The following HHAT variants were observed in gnomAD, a reference collection of about 807,000 sequenced individuals.
HHAT encodes the protein hedgehog acyltransferase, also known as protein-cysteine N-palmitoyltransferase HHAT.
HHAT carries 47 observed loss-of-function variants against 70.8 expected under a neutral mutation model. The ratio of observed to expected loss-of-function variants is 0.66; its 90% confidence interval spans 0.53 to 0.85. The LOEUF (loss-of-function observed/expected upper bound fraction) is 0.85. Among genes scored for constraint, HHAT ranks in the 40% least tolerant of loss-of-function variants. The pLI is 0.00. For synonymous variants in HHAT, 228 were observed against 247.6 expected, an observed-to-expected ratio of 0.92 and a Z score of 0.74; for missense variants, 609 against 604.8, an observed-to-expected ratio of 1.01 and a Z score of -0.07.
chr1:210,518,078 A>G (rs960245248), intron 9 of HHAT, among the ~76,000 whole-genome samples: 1 of 152,196 alleles, frequency 6.6e-6, no homozygotes, highest in East Asian at 1.9e-4. Flanking sequence ...TCATACATTT[A>G]TTATTTGTGG....
intron 1 of HHAT, among the ~76,000 whole-genome samples, chr1:210,347,038 T>C (rs528962638): frequency 2.0e-5 from 3 of 152,144 alleles, no homozygotes; most frequent in Non-Finnish European, 4.4e-5. Flanking sequence ...GGTGAGAACA[T>C]TTAAGATCTA....
chr1:210,330,567 T>C (rs556166847), intron 1 of HHAT, among the ~76,000 whole-genome samples: 64 of 152,140 alleles, frequency 4.2e-4, no homozygotes, highest in Admixed American at 9.8e-4. Flanking sequence ...AAGTCAATTC[T>C]TTGGAGGGAG....
intron 4 of HHAT, among the ~76,000 whole-genome samples, chr1:210,396,279 C>T (rs567408747): frequency 1.8e-4 from 27 of 152,224 alleles, no homozygotes; most frequent in Admixed American, 3.3e-4. Context: ...AGAGTAGTTC[C>T]GGTGGGGCTG....
intron 11 of HHAT, among the ~76,000 whole-genome samples, chr1:210,625,123 T>C (rs945522170): frequency 2.0e-5 from 3 of 152,224 alleles, no homozygotes; most frequent in African/African-American, 7.2e-5. Flanking sequence ...AAAAGACCCC[T>C]CTTTGATCTT....
intron 10 of HHAT, among the ~76,000 whole-genome samples, chr1:210,596,950 G>A (rs924630081): frequency 1.3e-5 from 2 of 152,122 alleles, no homozygotes; most frequent in Non-Finnish European, 2.9e-5. Context: ...GCTTCTTTGT[G>A]CCTATCCTTC....
intron 7 of HHAT, among the ~76,000 whole-genome samples, chr1:210,429,964 A>G (rs1279909179): frequency 6.6e-6 from 1 of 151,960 alleles, no homozygotes; most frequent in African/African-American, 2.4e-5. Context: ...TCTGTAAAGA[A>G]GACTTTTCCA....
intron 2 of HHAT, among the ~76,000 whole-genome samples, chr1:210,356,415 A>G (rs1465127611): frequency 4.6e-5 from 7 of 151,924 alleles, no homozygotes; most frequent in African/African-American, 1.7e-4. Flanking sequence ...ATTCAGTGAT[A>G]TATCTGTAGT....
chr1:210,605,471 A>G (rs749108670), intron 10 of HHAT, among the ~76,000 whole-genome samples: 1 of 152,202 alleles, frequency 6.6e-6, no homozygotes, highest in Non-Finnish European at 1.5e-5. Context: ...CTTGGACAAC[A>G]TGGGTTTCGA....
chr1:210,547,644 C>T (rs1488963573), intron 9 of HHAT, among the ~76,000 whole-genome samples: 1 of 152,176 alleles, frequency 6.6e-6, no homozygotes, highest in African/African-American at 2.4e-5. Context: ...CCATTTTGTG[C>T]ATAACACTGA....
chr1:210,595,932 G>A (rs1438926022), intron 10 of HHAT, among the ~76,000 whole-genome samples: 3 of 152,144 alleles, frequency 2.0e-5, no homozygotes, highest in South Asian at 2.1e-4. Context: ...TGATCACTCT[G>A]ATGGTAGTTT....
At chr1:210,495,513 T>C in intron 8 of HHAT, among the ~76,000 whole-genome samples, 1 of 152,162 alleles carries the variant, frequency 6.6e-6, no homozygotes. Context: ...ATTGCAAGAA[T>C]CAATTGAAGT....
At chr1:210,436,601 G>A (rs1008840237) in intron 7 of HHAT, among the ~76,000 whole-genome samples, 1 of 151,708 alleles carries the variant, frequency 6.6e-6, no homozygotes, top group Non-Finnish European at 1.5e-5. Context: ...TCTTCGGTTA[G>A]TACTTCTGCT....
At chr1:210,523,014 G>A (rs142585875) in intron 9 of HHAT, among the ~76,000 whole-genome samples, 32 of 152,220 alleles carry the variant, frequency 2.1e-4, no homozygotes, top group Admixed American at 1.8e-3. Flanking sequence ...TACTCTGGTC[G>A]TCATTTTCTT....
At chr1:210,450,301 G>T (rs549067888) in intron 7 of HHAT, among the ~76,000 whole-genome samples, 2 of 149,868 alleles carry the variant, frequency 1.3e-5, no homozygotes, top group East Asian at 3.9e-4. Context: ...AGGTGGGGGG[G>T]GTGGGAAACA....
intron 9 of HHAT, among the ~76,000 whole-genome samples, chr1:210,564,735 A>T (rs902350509): frequency 1.3e-5 from 2 of 152,020 alleles, no homozygotes; most frequent in African/African-American, 4.8e-5. Context: ...AGGACAAATA[A>T]GAGAGAGACA....
At chr1:210,405,302 C>T (rs765906597) in intron 6 of HHAT, among the ~76,000 whole-genome samples, 3 of 152,100 alleles carry the variant, frequency 2.0e-5, no homozygotes, top group Admixed American at 2.0e-4. Flanking sequence ...GTTGTTCCCC[C>T]CTACTTCACT....
intron 10 of HHAT, among the ~76,000 whole-genome samples, chr1:210,610,698 T>C (rs151218797): frequency 1.1e-4 from 17 of 152,292 alleles, no homozygotes; most frequent in Non-Finnish European, 1.6e-4. Context: ...TTATATGGTA[T>C]AAGGAAGAGG....
chr1:210,335,624 T>G (rs1460584244), intron 1 of HHAT, among the ~76,000 whole-genome samples: 1 of 152,148 alleles, frequency 6.6e-6, no homozygotes, highest in Non-Finnish European at 1.5e-5. Context: ...GGCTTATACA[T>G]CTGTGGTCTT....
intron 10 of HHAT, among the ~76,000 whole-genome samples, chr1:210,610,615 C>T (rs965025301): frequency 6.6e-6 from 1 of 152,030 alleles, no homozygotes; most frequent in South Asian, 2.1e-4. Flanking sequence ...AATAGTATTG[C>T]CTAGATTTTC....
Sources: gnomAD v4.1 joint callset for allele counts (sites outside exome capture counted in the v4.1 genomes callset) on GRCh38, gnomAD v4.1.1 for gene constraint, MANE v1.5 for transcripts, NCBI Gene and HGNC (gene_info 2026-07-23, HGNC 2026-07-21) for gene names.